CTNNA3: variants seen among roughly 807,000 people sequenced by gnomAD.
CTNNA3 encodes catenin alpha 3, also known as catenin alpha-3.
A neutral mutation model predicts 95.7 loss-of-function variants in CTNNA3; 76 were observed. The ratio of observed to expected loss-of-function variants is 0.79; its 90% CI spans 0.66 to 0.96. CTNNA3 has a LOEUF of 0.96. Ranked by LOEUF, CTNNA3 falls within the 40% of genes least tolerant of loss-of-function variation. The probability of loss-of-function intolerance (pLI) is 0.00; values close to 1 mark genes in which losing one functional copy is unlikely to be tolerated. For synonymous variants in CTNNA3, 431 were observed against 374.4 expected (o/e 1.15, Z -1.74); for missense variants, 1,191 against 1,089.8 (o/e 1.09, Z -1.31).
Position 66,435,191 on chromosome 10 carries a change from C to T in CTNNA3, c.1532-55839G>A, listed in dbSNP as rs1247625881. ...GAGTTATTTTATGATAATTTCTTTTCTATTGTTTGAAATAGTTTCAGAAGG... is the reference window on the plus strand; with the variant it reads ...GAGTTATTTTATGATAATTTCTTTTTTATTGTTTGAAATAGTTTCAGAAGG... On this transcript the variant is annotated intron_variant, in intron 11 of 17. Coordinates refer to ENST00000433211, the MANE Select transcript of CTNNA3 (RefSeq NM_013266.4). Among the ~76,000 whole-genome samples the T allele has an allele frequency of 3.9e-5, 6 of 151,944 alleles. No individual in the cohort carries two copies. In the South Asian group the frequency reaches 8.3e-4, roughly 21 times the overall value.
chr10:66,569,792 T>G (rs1842814368), intron 10 of CTNNA3, among the ~76,000 whole-genome samples: 1 of 152,124 alleles, frequency 6.6e-6, no homozygotes, highest in Admixed American at 6.5e-5. Context: ...TGAAAGTACC[T>G]CAGTAAGATA....
intron 7 of CTNNA3, among the ~76,000 whole-genome samples, chr10:67,025,667 A>G (rs1336705059): frequency 3.9e-5 from 6 of 152,184 alleles, no homozygotes; most frequent in African/African-American, 1.2e-4. Flanking sequence ...AAAGTACTAT[A>G]TAAGTACTAT....
rs1589706068 is a variant in CTNNA3 at position 66,199,066 on chromosome 10, A to T, written c.1884+81404T>A. Among the ~76,000 whole-genome samples, 3 of 152,144 alleles carry T rather than the reference A, an allele frequency of 2.0e-5. No individual in the cohort carries two copies. In the South Asian group the frequency reaches 6.2e-4, roughly 32 times the overall value. ...CCTTTTTTGCTGAAGAGTTGTTTCC[A>T]TCACGGGAATAATGTTCCTTGATGC... On this transcript the variant is annotated intron_variant, in intron 13 of 17. Transcript: ENST00000433211.
chr10:66,202,758 A>G (rs2087513808), intron 13 of CTNNA3, among the ~76,000 whole-genome samples: 1 of 152,276 alleles, frequency 6.6e-6, no homozygotes, highest in South Asian at 2.1e-4. Flanking sequence ...TGACTCTTCT[A>G]CCATACTACT....
chr10:66,210,294 C>T (rs10996975), intron 13 of CTNNA3, among the ~76,000 whole-genome samples: 30,925 of 150,194 alleles, frequency 0.21, 3,967 homozygotes, highest in Middle Eastern at 0.31. Context: ...ATAGTGGAAC[C>T]ACTTCCTATA....
intron 17 of CTNNA3, among the ~76,000 whole-genome samples, chr10:65,948,280 CA>C (rs56966630): frequency 0.16 from 15,744 of 97,264 alleles, 933 homozygotes; most frequent in Middle Eastern, 0.26. Context: ...GACTCCATCT[CA>C]AAAAAAAAAA....
chr10:67,145,922 G>T (rs1392252945), intron 7 of CTNNA3, among the ~76,000 whole-genome samples: 2 of 152,090 alleles, frequency 1.3e-5, no homozygotes, highest in Admixed American at 1.3e-4. Context: ...TACCTTGAAG[G>T]TTAGGAAAAA....
rs531378443 is a variant in CTNNA3 at position 66,751,126 on chromosome 10, G to T, written c.1281+15138C>A. On this transcript the variant is annotated intron_variant, in intron 9 of 17. Transcript: ENST00000433211. ...CTGCTAAAAATACAAAAATTAGCCA[G>T]GCATGGTGGTGCATGCCTGTAATCC... Among the ~76,000 whole-genome samples, 5 of 152,130 alleles carry T rather than the reference G, an allele frequency of 3.3e-5. No homozygotes were observed. In the South Asian group the frequency reaches 8.3e-4, roughly 25 times the overall value.
chr10:66,675,156 A>G (rs1029884228), intron 9 of CTNNA3, among the ~76,000 whole-genome samples: 1 of 152,052 alleles, frequency 6.6e-6, no homozygotes, highest in Non-Finnish European at 1.5e-5. Flanking sequence ...CTTGCCTCTC[A>G]GGGCTTCCTT....
At chr10:66,673,255 C>T (rs1846729298) in intron 9 of CTNNA3, among the ~76,000 whole-genome samples, 1 of 152,044 alleles carries the variant, frequency 6.6e-6, no homozygotes, top group Non-Finnish European at 1.5e-5. Context: ...TTTATGTATT[C>T]CATCATGCTT....
intron 3 of CTNNA3, among the ~76,000 whole-genome samples, chr10:67,605,122 G>C (rs1843219754): frequency 6.6e-6 from 1 of 152,064 alleles, no homozygotes; most frequent in Non-Finnish European, 1.5e-5. Context: ...CAATAGTCAA[G>C]ATATGAAAAC....
intron 5 of CTNNA3, among the ~76,000 whole-genome samples, chr10:67,221,119 A>G (rs894469797): frequency 2.6e-5 from 4 of 152,196 alleles, no homozygotes; most frequent in South Asian, 4.1e-4. Context: ...ACATTCATGA[A>G]AAACTGCTGA....
chr10:67,551,012 T>C (rs557434870), intron 3 of CTNNA3, among the ~76,000 whole-genome samples: 1 of 152,114 alleles, frequency 6.6e-6, no homozygotes, highest in African/African-American at 2.4e-5. Context: ...TGGCGAGGGC[T>C]CCACCTCCAG....
At chr10:66,239,163 A>G (rs2089994454) in intron 13 of CTNNA3, among the ~76,000 whole-genome samples, 1 of 151,856 alleles carries the variant, frequency 6.6e-6, no homozygotes, top group South Asian at 2.1e-4. Context: ...TTAATCAATT[A>G]ATTACAATTT....
chr10:66,956,399 T>C (rs2041463466), intron 7 of CTNNA3, among the ~76,000 whole-genome samples: 1 of 152,018 alleles, frequency 6.6e-6, no homozygotes, highest in South Asian at 2.1e-4. Flanking sequence ...ATCTTGTTAA[T>C]GTATTGACCC....
At chr10:66,741,543 G>C (rs888629184) in intron 9 of CTNNA3, among the ~76,000 whole-genome samples, 19 of 152,236 alleles carry the variant, frequency 1.2e-4, no homozygotes, top group African/African-American at 4.6e-4. Flanking sequence ...GAGACCTTCA[G>C]GATAAACTAA....
intron 1 of CTNNA3, among the ~76,000 whole-genome samples, chr10:67,661,353 A>G (rs1455159502): frequency 6.6e-6 from 1 of 152,056 alleles, no homozygotes; most frequent in Non-Finnish European, 1.5e-5. Context: ...TTAGGCAGGG[A>G]GGAAGGGAGG....
chr10:66,819,733 TACTC>T (rs1313263163), intron 7 of CTNNA3, among the ~76,000 whole-genome samples: 1 of 152,162 alleles, frequency 6.6e-6, no homozygotes, highest in African/African-American at 2.4e-5. Flanking sequence ...TACAAACAGA[TACTC>T]AGTATCAATT....
chr10:67,637,208 G>A (rs1434071751), intron 2 of CTNNA3, among the ~76,000 whole-genome samples: 2 of 152,218 alleles, frequency 1.3e-5, no homozygotes, highest in South Asian at 2.1e-4. Context: ...CTAGAACTAC[G>A]TGACGAATGC....
Sources: gnomAD v4.1 joint callset for allele counts (sites outside exome capture counted in the v4.1 genomes callset) on GRCh38, gnomAD v4.1.1 for gene constraint, MANE v1.5 for transcripts, NCBI Gene and HGNC (gene_info 2026-07-23, HGNC 2026-07-21) for gene names.